The following ACIN1 variants were observed in gnomAD, a reference collection of about 807,000 sequenced individuals.
The protein encoded by ACIN1 is apoptotic chromatin condensation inducer 1.
Under a neutral mutation model 146.6 loss-of-function variants are expected in ACIN1, and 16 were observed. That is an observed-to-expected ratio of 0.11 (90% CI 0.07 to 0.17). The LOEUF (loss-of-function observed/expected upper bound fraction) is 0.17. Among genes scored for constraint, ACIN1 ranks in the 10% least tolerant of loss-of-function variants. ACIN1 has a pLI of 1.00. For missense variants in ACIN1, 1,357 were observed against 1,609.3 expected (o/e 0.84, Z 2.68); for synonymous variants, 569 against 582.7 (o/e 0.98, Z 0.34).
intron 1 of ACIN1, among the ~76,000 whole-genome samples, chr14:23,094,211 AC>A (rs2048306506): frequency 6.6e-6 from 1 of 152,102 alleles, no homozygotes; most frequent in Non-Finnish European, 1.5e-5. Context: ...AATCTGCACT[AC>A]CTGCCACGTA....
chr14:23,070,753 C>A (rs2047614821), intron 8 of ACIN1, among the ~76,000 whole-genome samples: 1 of 151,442 alleles, frequency 6.6e-6, no homozygotes, highest in Non-Finnish European at 1.5e-5. Flanking sequence ...GTCAGCATTC[C>A]CAACAGGCTG....
chr14:23,076,851 G>A (rs1391913362), intron 8 of ACIN1, among the ~76,000 whole-genome samples: 1 of 146,478 alleles, frequency 6.8e-6, no homozygotes, highest in Non-Finnish European at 1.5e-5. Context: ...CCTCATCGAT[G>A]ATGTAGCTGG....
upstream of ACIN1, chr14:23,095,178 C>T (rs2048344107): frequency 3.7e-6 from 6 of 1,614,236 alleles, no homozygotes; most frequent in Non-Finnish European, 5.1e-6. Context: ...CGCCAACGCC[C>T]TTCGAACGTA....
In ACIN1 at chr14:23,068,443, G is replaced by A. The variant is rs1196608566; in HGVS notation, c.2265+1033C>T. On this transcript the variant is annotated intron_variant, in intron 9 of 18. Transcript: ENST00000605057. This position sits in a 1 kb window ranked among gnomAD's most constrained non-coding sequence, Gnocchi z 4.3. The stretch of plus-strand genomic sequence containing the variant: ...TGCTTGCTCAATACAAGTCTCTCCA[G>A]AACAGTGTTCTTCTTGGCCCCCTGA... 1 of 985,812 alleles carries A rather than the reference G, an allele frequency of 1.0e-6. No homozygotes were observed. Among genetic ancestry groups the A allele is most frequent in the Non-Finnish European group, 1.2e-6 (1 of 829,972 alleles). 61.1% of individuals were successfully genotyped at this position (985,812 alleles called of 1,614,324 possible). A position where few individuals can be genotyped will look rare whatever the true frequency, so the allele number is the denominator to read the frequency against.
Position 23,065,991 on chromosome 14 carries a change from T to C in ACIN1, c.2283A>G (p.Ser761=). 1 of 1,613,610 alleles carries C rather than the reference T, an allele frequency of 6.2e-7. No individual in the cohort carries two copies. The highest frequency in any genetic ancestry group is 8.5e-7 in the Non-Finnish European group (1 of 1,179,846). ...AGACAACGGAGATCTTCCTCTTGAA[T>C]GATTTGGGCAGCGAGCTCTGTATGA... ...EEKKESSLPK[S]FKRKISVVSA... Residue 761 remains serine, a synonymous_variant, in exon 10 of 19, where the codon TCA becomes TCG. Transcript: ENST00000605057.
In ACIN1 at chr14:23,076,854, G is replaced by A. The variant is rs1369554347; in HGVS notation, c.2123+1297C>T. Among the ~76,000 whole-genome samples, 3 of 152,192 alleles carry A rather than the reference G, an allele frequency of 2.0e-5. No individual in the cohort carries two copies. The East Asian group carries it at 5.8e-4, about 29-fold the overall frequency. Reference sequence around the variant, plus strand: ...GTCACCCCATTTCCTCATCGATGATGTAGCTGGGGAATCCTGAATACCTTC... The same window carrying A: ...GTCACCCCATTTCCTCATCGATGATATAGCTGGGGAATCCTGAATACCTTC... On this transcript the variant is annotated intron_variant, in intron 8 of 18. Transcript: ENST00000605057.
intron 8 of ACIN1, among the ~76,000 whole-genome samples, chr14:23,075,695 A>G (rs899284249): frequency 6.6e-6 from 1 of 150,764 alleles, no homozygotes; most frequent in African/African-American, 2.4e-5. Flanking sequence ...GTTAGGCCAT[A>G]AATGGTCTTT....
intron 5 of ACIN1, 133 bp downstream of exon 5, chr14:23,081,615 G>T: frequency 1.3e-6 from 1 of 746,974 alleles, no homozygotes; most frequent in Non-Finnish European, 2.1e-6. Flanking sequence ...AGGCGACAGA[G>T]CCAGACTCTG....
chr14:23,065,937 T>G lies in ACIN1; in HGVS notation c.2308+29A>C, dbSNP rs185428523. On this transcript the variant is annotated intron_variant, in intron 10 of 18. Coordinates refer to ENST00000605057, the MANE Select transcript of ACIN1 (RefSeq NM_001386863.1). Reference sequence around the variant, plus strand: ...TGCTGGTTTTTATGGTATTCCTGACTTTTATCAGGGATTTGGGGCTGGACT... The same window carrying G: ...TGCTGGTTTTTATGGTATTCCTGACGTTTATCAGGGATTTGGGGCTGGACT... 50 of 1,605,674 alleles carry G rather than the reference T, an allele frequency of 3.1e-5. 1 individual carries two copies. In the African/African-American group the frequency reaches 6.1e-4, roughly 20 times the overall value.
At chr14:23,069,641 T>TGGGGG in intron 8 of ACIN1, 24 bp from the exon 9 acceptor site, 4 of 309,208 alleles carry the variant, frequency 1.3e-5, no homozygotes, top group Non-Finnish European at 1.7e-5. Context: ...GGAGTGGTGG[T>TGGGGG]GGGGGGGCGG....
chr14:23,064,264 C>T lies in ACIN1; in HGVS notation c.2443-7G>A, dbSNP rs774941229. On this transcript the variant is annotated splice_polypyrimidine_tract_variant and splice_region_variant and intron_variant, in intron 11 of 18. Transcript: ENST00000605057. The stretch of plus-strand genomic sequence containing the variant: ...TGATGTCGGGGATGAGGCTCTGGGA[C>T]ACAGATACCCCCCACCCCGTTACAC... 6.2e-7 allele frequency: 1 copy of T among 1,613,966 alleles called. No individual in the cohort carries two copies. Among genetic ancestry groups the T allele is most frequent in the South Asian group, 1.1e-5 (1 of 91,084 alleles).
chr14:23,062,619 A>G, intron 14 of ACIN1, 96 bp from the exon 15 acceptor site: 1 of 1,230,736 alleles, frequency 8.1e-7, no homozygotes. Context: ...GTATAGTTTC[A>G]AGGTTTGGGG....
intron 9 of ACIN1, chr14:23,066,265 A>G (rs989543726): frequency 5.0e-6 from 2 of 404,022 alleles, no homozygotes; most frequent in Admixed American, 4.2e-5. Flanking sequence ...TCTACTCCGT[A>G]TCACACCTGT....
chr14:23,062,513 A>G lies in ACIN1; in HGVS notation c.2894T>C (p.Phe965Ser), dbSNP rs2047320969. ...CAACTCCTTTAGCTGGCCTAAAGTGAAAGGACGGACCTGCCAATGAAAATA... is the reference window on the plus strand; with the variant it reads ...CAACTCCTTTAGCTGGCCTAAAGTGGAAGGACGGACCTGCCAATGAAAATA... ...IVHISNLVRPFTLGQLKELLG... is the reference protein window; with the variant it reads ...IVHISNLVRPSTLGQLKELLG... Residue 965 changes from phenylalanine (F) to serine (S), a missense_variant, in exon 15 of 19, where the codon TTC (phenylalanine) becomes TCC (serine). Around this residue, in one of 4 missense-constraint regions of ACIN1, gnomAD observed 509 missense variants for 719.6 expected, o/e 0.71. Coordinates refer to ENST00000605057, the MANE Select transcript of ACIN1 (RefSeq NM_001386863.1). 6.2e-7 allele frequency: 1 copy of G among 1,614,044 alleles called. No individual in the cohort carries two copies. The highest frequency in any genetic ancestry group is 8.5e-7 in the Non-Finnish European group (1 of 1,179,998).
At chr14:23,080,878 A>G in intron 5 of ACIN1, 69 bp from the exon 6 acceptor site, 1 of 1,523,316 alleles carries the variant, frequency 6.6e-7, no homozygotes. Flanking sequence ...GAAAGTATCT[A>G]ATGAAGACAC....
At chr14:23,071,089 G>A (rs754874382) in intron 8 of ACIN1, 123 of 1,539,784 alleles carry the variant, frequency 8.0e-5, no homozygotes, top group South Asian at 4.8e-4. Flanking sequence ...CTAGGGCGGC[G>A]GGGAAAAGGC....
intron 4 of ACIN1, among the ~76,000 whole-genome samples, chr14:23,089,163 C>T (rs1002627429): frequency 2.0e-5 from 3 of 152,128 alleles, no homozygotes; most frequent in Non-Finnish European, 4.4e-5. Flanking sequence ...GCCTTAGCCT[C>T]CCGAGTCACT....
chr14:23,089,660 T>C (rs1056777519), intron 4 of ACIN1, among the ~76,000 whole-genome samples: 10 of 152,226 alleles, frequency 6.6e-5, no homozygotes, highest in African/African-American at 2.2e-4. Context: ...TGACTGAATG[T>C]GTTAACACGT....
intron 18 of ACIN1, 110 bp downstream of exon 18, chr14:23,060,974 A>C: frequency 2.0e-6 from 2 of 1,018,210 alleles, no homozygotes; most frequent in Non-Finnish European, 3.0e-6. Flanking sequence ...TTTATCCTAA[A>C]CCTAGGAAGT....
Sources: gnomAD v4.1 joint callset for allele counts (sites outside exome capture counted in the v4.1 genomes callset) on GRCh38, gnomAD v4.1.1 for gene constraint, gnomAD v4.1.1 regional missense constraint, Gnocchi (gnomAD v3.1) non-coding constraint, MANE v1.5 for transcripts, NCBI Gene and HGNC (gene_info 2026-07-23, HGNC 2026-07-21) for gene names.